TPGS2: variants seen among roughly 807,000 people sequenced by gnomAD.
TPGS2 encodes polyglutamylase subunit 2.
A neutral mutation model predicts 31.1 loss-of-function variants in TPGS2; 26 were observed. The ratio of observed to expected loss-of-function variants is 0.84; its 90% CI spans 0.61 to 1.16. The LOEUF (loss-of-function observed/expected upper bound fraction) is 1.16, where lower values mean the gene tolerates loss of function less well. TPGS2 is among the 50% of genes most tolerant of loss of function. The probability of loss-of-function intolerance (pLI) is 0.00; values close to 1 mark genes in which losing one functional copy is unlikely to be tolerated. For missense variants in TPGS2, 351 were observed against 363.8 expected (o/e 0.96, Z 0.29); for synonymous variants, 130 against 136.6 (o/e 0.95, Z 0.34).
intron 1 of TPGS2, among the ~76,000 whole-genome samples, chr18:36,827,538 G>A (rs2150721421): frequency 6.6e-6 from 1 of 152,370 alleles, no homozygotes; most frequent in South Asian, 2.1e-4. Flanking sequence ...ATGTGGGCAA[G>A]AGTGGAAACA....
downstream of TPGS2, among the ~76,000 whole-genome samples, chr18:36,791,191 T>C (rs1207617593): frequency 2.0e-5 from 3 of 152,222 alleles, no homozygotes; most frequent in African/African-American, 4.8e-5. Flanking sequence ...GTAAGTTTCC[T>C]GAGGCCTCCC....
chr18:36,790,057 C>T (rs1229981951), downstream of TPGS2: 1 of 152,272 alleles, frequency 6.6e-6, no homozygotes. Context: ...AAGGAGAATT[C>T]TATGTGAAGT....
At chr18:36,800,641 T>C (rs990346320) in intron 4 of TPGS2, among the ~76,000 whole-genome samples, 6 of 152,116 alleles carry the variant, frequency 3.9e-5, no homozygotes, top group Admixed American at 1.3e-4. Context: ...TTTCCTGAGA[T>C]TGTTTATTCT....
chr18:36,799,217 T>A (rs1477620455), intron 5 of TPGS2, among the ~76,000 whole-genome samples: 1 of 152,180 alleles, frequency 6.6e-6, no homozygotes, highest in Non-Finnish European at 1.5e-5. Flanking sequence ...CCATTATCCA[T>A]CCAGTCTCTT....
At chr18:36,800,792 C>A (rs1438020427) in intron 4 of TPGS2, among the ~76,000 whole-genome samples, 1 of 151,814 alleles carries the variant, frequency 6.6e-6, no homozygotes, top group South Asian at 2.1e-4. Flanking sequence ...CGGGTTGAAG[C>A]AATTCTCCTA....
chr18:36,792,981 A>G (rs1231978437), downstream of TPGS2, among the ~76,000 whole-genome samples: 7 of 152,186 alleles, frequency 4.6e-5, no homozygotes, highest in African/African-American at 1.4e-4. Context: ...TTCAAAACAT[A>G]AATTTCCTGG....
chr18:36,807,979 A>G (rs777516872), intron 2 of TPGS2, 45 bp from the exon 3 acceptor site: 1 of 1,596,208 alleles, frequency 6.3e-7, no homozygotes, highest in Non-Finnish European at 8.6e-7. Flanking sequence ...GCTGGGAAAG[A>G]GGGTACAGGG....
At chr18:36,826,493 G>A (rs2046143210) in intron 1 of TPGS2, among the ~76,000 whole-genome samples, 1 of 150,902 alleles carries the variant, frequency 6.6e-6, no homozygotes, top group Admixed American at 6.6e-5. Flanking sequence ...CAAACAGATA[G>A]CTTACCTTCT....
chr18:36,807,071 G>C (rs775822677), intron 3 of TPGS2, among the ~76,000 whole-genome samples: 13 of 151,930 alleles, frequency 8.6e-5, no homozygotes, highest in Non-Finnish European at 1.9e-4. Flanking sequence ...CAAGGCCAAA[G>C]TAGATCTGGT....
intron 4 of TPGS2, among the ~76,000 whole-genome samples, chr18:36,802,472 A>G (rs1057392726): frequency 1.1e-4 from 17 of 152,086 alleles, no homozygotes; most frequent in African/African-American, 4.1e-4. Flanking sequence ...TATAAACACA[A>G]TGTCAATATA....
chr18:36,781,925 T>C, downstream of TPGS2: 1 of 985,348 alleles, frequency 1.0e-6, no homozygotes. Flanking sequence ...TTAATCACCT[T>C]ATTGAAAAGA....
At position 36,795,546 on chromosome 18, in the gene TPGS2, C is replaced by T; in HGVS notation, c.*1259G>A. ...GTGAAGGCCTTGCTTCTGCCCACAG[C>T]CAGGACTGTAGAGGGAGGAAATAAA... On this transcript the variant is annotated 3_prime_UTR_variant, in exon 7 of 7. Coordinates refer to ENST00000334295, the MANE Select transcript of TPGS2 (RefSeq NM_015476.4). The T allele has an allele frequency of 5.1e-6, 5 of 985,424 alleles. No individual in the cohort carries two copies. Among genetic ancestry groups the T allele is most frequent in the Non-Finnish European group, 6.0e-6 (5 of 829,936 alleles). 61.0% of individuals were successfully genotyped at this position (985,424 alleles called of 1,614,324 possible).
At chr18:36,822,996 T>C (rs1196454951) in intron 1 of TPGS2, among the ~76,000 whole-genome samples, 1 of 152,256 alleles carries the variant, frequency 6.6e-6, no homozygotes, top group African/African-American at 2.4e-5. Flanking sequence ...GTGTTTCTTT[T>C]TGACGTGCAT....
At chr18:36,803,526 G>C (rs1164181514) in intron 4 of TPGS2, among the ~76,000 whole-genome samples, 1 of 152,054 alleles carries the variant, frequency 6.6e-6, no homozygotes, top group East Asian at 1.9e-4. Flanking sequence ...CATCTGCAGA[G>C]AGGTGTCTTT....
chr18:36,828,743 C>T lies in TPGS2; in HGVS notation c.25G>A (p.Gly9Arg), dbSNP rs1277504766. The T allele has an allele frequency of 2.5e-6, 4 of 1,613,894 alleles. No individual in the cohort carries two copies. In the African/African-American group the frequency reaches 4.0e-5, roughly 16 times the overall value. Residue 9 changes from glycine to arginine, a missense_variant, in exon 1 of 7, where the codon GGG becomes AGG. By Grantham distance (125) the Gly-to-Arg change is moderately radical (BLOSUM62 -2). Transcript: ENST00000334295. The stretch of plus-strand genomic sequence containing the variant: ...AGGTGCGGCTTGCTGCAGCCCAGCC[C>T]CGGGGACGATGCCTCCTCCTCCATG... MEEEASSP[G>R]LGCSKPHLEK...
intron 1 of TPGS2, among the ~76,000 whole-genome samples, chr18:36,819,827 C>G (rs2045818412): frequency 6.6e-6 from 1 of 152,136 alleles, no homozygotes. Flanking sequence ...TTACTGCAGA[C>G]ATAATTAGTT....
chr18:36,788,899 G>C (rs2044214659), intron 6 of TPGS2: 1 of 152,156 alleles, frequency 6.6e-6, no homozygotes, highest in East Asian at 1.9e-4. Context: ...CGATCCCAAA[G>C]CTAGGCCCCC....
chr18:36,828,317 G>A (rs528449326), intron 1 of TPGS2, among the ~76,000 whole-genome samples: 3 of 152,136 alleles, frequency 2.0e-5, no homozygotes, highest in African/African-American at 4.8e-5. Flanking sequence ...GAAAGGTCTT[G>A]GGTTTCGGGG....
intron 6 of TPGS2, chr18:36,786,632 T>G (rs751119238): frequency 9.9e-6 from 4 of 403,008 alleles, no homozygotes; most frequent in Non-Finnish European, 1.7e-5. Context: ...TCCGTCAGTC[T>G]TATGATCTCT....
Sources: allele counts gnomAD v4.1 joint callset (sites outside exome capture counted in the v4.1 genomes callset), GRCh38; gene constraint gnomAD v4.1.1; transcripts MANE v1.5; gene names NCBI Gene and HGNC (gene_info 2026-07-23, HGNC 2026-07-21).